SUSD3: variants seen among roughly 807,000 people sequenced by gnomAD.
SUSD3 encodes the protein sushi domain containing 3.
Under a neutral mutation model 20.6 loss-of-function variants are expected in SUSD3, and 18 were observed. That is an observed-to-expected ratio of 0.87 (90% CI 0.60 to 1.30). SUSD3 has a LOEUF of 1.30. Ranked by LOEUF, SUSD3 falls within the 50% of genes most tolerant of loss-of-function variation. The probability of loss-of-function intolerance (pLI) is 0.00; values close to 1 mark genes in which losing one functional copy is unlikely to be tolerated. For missense variants in SUSD3, 306 were observed against 346.9 expected (o/e 0.88, Z 0.94); for synonymous variants, 137 against 141.5 (o/e 0.97, Z 0.23).
intron 1 of SUSD3, among the ~76,000 whole-genome samples, chr9:93,065,408 G>A (rs972503836): frequency 9.2e-5 from 14 of 152,228 alleles, no homozygotes; most frequent in African/African-American, 3.1e-4. Flanking sequence ...AGGCGCTGTT[G>A]TGGGTGCTGG....
chr9:93,061,965 T>C (rs1825523335), intron 1 of SUSD3, among the ~76,000 whole-genome samples: 1 of 152,194 alleles, frequency 6.6e-6, no homozygotes, highest in African/African-American at 2.4e-5. Flanking sequence ...GGTCAGGTTA[T>C]AGGGGCTGTG....
intron 1 of SUSD3, among the ~76,000 whole-genome samples, chr9:93,059,190 C>A (rs1437997185): frequency 6.6e-6 from 1 of 152,074 alleles, no homozygotes; most frequent in Non-Finnish European, 1.5e-5. Context: ...ACCGGCCTCA[C>A]CTGGCGGGCG....
At chr9:93,062,152 G>A (rs1825532209) in intron 1 of SUSD3, among the ~76,000 whole-genome samples, 2 of 152,232 alleles carry the variant, frequency 1.3e-5, no homozygotes, top group South Asian at 2.1e-4. Flanking sequence ...GGGAGGAAGC[G>A]CAGCTGCAGC....
At position 93,079,584 on chromosome 9, in the gene SUSD3, A is replaced by G; in HGVS notation, c.539A>G (p.Asp180Gly). Residue 180 changes from aspartate (D) to glycine (G), a missense_variant, in exon 4 of 5, where the codon GAC becomes GGC. Physicochemically the swap from Asp to Gly is moderately conservative, Grantham distance 94. Transcript: ENST00000375472. ...KPVSGPSQAHDNHSFTTDHGE... is the reference protein window; with the variant it reads ...KPVSGPSQAHGNHSFTTDHGE... ...GTGAGCGGGCCCAGCCAGGCGCACG[A>G]CAACCACAGCTTCACCACGTGAGCC... The G allele has an allele frequency of 6.2e-7, 1 of 1,613,824 alleles. No individual in the cohort carries two copies. The highest frequency in any genetic ancestry group is 2.2e-5 in the East Asian group (1 of 44,880).
chr9:93,065,511 T>G (rs1022055362), intron 1 of SUSD3, among the ~76,000 whole-genome samples: 1 of 152,152 alleles, frequency 6.6e-6, no homozygotes, highest in Non-Finnish European at 1.5e-5. Flanking sequence ...AGGGCCGCAG[T>G]GGGCTGGGAA....
intron 1 of SUSD3, among the ~76,000 whole-genome samples, chr9:93,074,438 A>T (rs1826042466): frequency 7.7e-6 from 1 of 129,386 alleles, no homozygotes; most frequent in African/African-American, 2.6e-5. Flanking sequence ...ACTCAAAAAA[A>T]AAAAAAAAAA....
chr9:93,076,103 A>G, intron 2 of SUSD3, 131 bp downstream of exon 2: 2 of 743,258 alleles, frequency 2.7e-6, no homozygotes. Flanking sequence ...GTAGGGTCCC[A>G]TTCCCAACAC....
chr9:93,084,838 T>G lies in SUSD3; in HGVS notation c.*91T>G, dbSNP rs943515470. On this transcript the variant is annotated 3_prime_UTR_variant, in exon 5 of 5. Coordinates refer to ENST00000375472, the MANE Select transcript of SUSD3 (RefSeq NM_145006.4). ...GCTACAACTCCACATCAACTCCACATGCGCCCAGCTCGAGACTGATGAGTG... is the reference window on the plus strand; with the variant it reads ...GCTACAACTCCACATCAACTCCACAGGCGCCCAGCTCGAGACTGATGAGTG... 5.7e-5 allele frequency: 67 copies of G among 1,179,752 alleles called. No homozygotes were observed. The African/African-American group carries it at 9.3e-4, about 16-fold the overall frequency. 73.1% of individuals were successfully genotyped at this position (1,179,752 alleles called of 1,614,324 possible). A position where few individuals can be genotyped will look rare whatever the true frequency, so the allele number is the denominator to read the frequency against.
chr9:93,084,764 G>T lies in SUSD3; in HGVS notation c.*17G>T, dbSNP rs372486103. 85 of 1,467,982 alleles carry T rather than the reference G, an allele frequency of 5.8e-5. No individual in the cohort carries two copies. The highest frequency in any genetic ancestry group is 7.2e-5 in the Non-Finnish European group (80 of 1,110,010). The allele number at this position is 1,467,982 out of a possible 1,614,324, so 90.9% of individuals were successfully genotyped here. On this transcript the variant is annotated 3_prime_UTR_variant, in exon 5 of 5. Transcript: ENST00000375472. ...CTAGGGTGACCACGCAGTGAGGCTG[G>T]TGCCCATGCTCCACACTGGGAGGCC...
chr9:93,062,265 C>T (rs1825538040), intron 1 of SUSD3, among the ~76,000 whole-genome samples: 1 of 152,240 alleles, frequency 6.6e-6, no homozygotes, highest in Non-Finnish European at 1.5e-5. Context: ...CCACCTGCCC[C>T]TGAGCCGTGG....
chr9:93,058,742 G>A lies in SUSD3; in HGVS notation c.-1G>A. 8.1e-7 allele frequency: 1 copy of A among 1,234,410 alleles called. No individual in the cohort carries two copies. The highest frequency in any genetic ancestry group is 1.0e-6 in the Non-Finnish European group (1 of 988,694). The allele number at this position is 1,234,410 out of a possible 1,614,324, so 76.5% of individuals were successfully genotyped here. Reference sequence around the variant, plus strand: ...CCGCCAAGCGCCTCGGAGCGCGCAGGATGCGCTGGGCGGCCGCCACCCTCC... The same window carrying A: ...CCGCCAAGCGCCTCGGAGCGCGCAGAATGCGCTGGGCGGCCGCCACCCTCC... On this transcript the variant is annotated 5_prime_UTR_variant, in exon 1 of 5. Coordinates refer to ENST00000375472, the MANE Select transcript of SUSD3 (RefSeq NM_145006.4).
Position 93,084,573 on chromosome 9 carries a change from G to A in SUSD3, c.594G>A (p.Val198=). ...AGAGCACCAGCAAGCTGGCCAGTGT[G>A]ACCCGCAGCGTGGACAAGGACCCTG... is the stretch of plus-strand genomic sequence containing the variant. ...HGESTSKLAS[V]TRSVDKDPGI... The change falls in exon 5 of 5, where the codon GTG becomes GTA. Residue 198 remains valine (V), a synonymous_variant. Coordinates refer to ENST00000375472, the MANE Select transcript of SUSD3 (RefSeq NM_145006.4). 1.2e-6 allele frequency: 2 copies of A among 1,602,258 alleles called. No individual in the cohort carries two copies. The highest frequency in any genetic ancestry group is 1.7e-5 in the Admixed American group (1 of 58,104).
chr9:93,073,146 A>G lies in SUSD3; in HGVS notation c.89-2638A>G, dbSNP rs114810646. 7.7e-3 allele frequency among the ~76,000 whole-genome samples: 1,169 copies of G among 152,068 alleles called. 19 individuals carry two copies. Among genetic ancestry groups the G allele is most frequent in the African/African-American group, 0.027 (1,099 of 41,454 alleles). ...AGTCCCTGCCTGTGCCGAGGGAGAC[A>G]GGCACAGAGATGCTCAGGTGGCCCT... On this transcript the variant is annotated intron_variant, in intron 1 of 4. Coordinates refer to ENST00000375472, the MANE Select transcript of SUSD3 (RefSeq NM_145006.4).
intron 4 of SUSD3, among the ~76,000 whole-genome samples, chr9:93,079,867 C>T (rs902245844): frequency 6.6e-6 from 1 of 152,074 alleles, no homozygotes; most frequent in Non-Finnish European, 1.5e-5. Flanking sequence ...GAAGCTTCTA[C>T]ACACCTGTGT....
Position 93,079,454 on chromosome 9 carries a change from C to G in SUSD3, c.426-17C>G. On this transcript the variant is annotated splice_polypyrimidine_tract_variant and intron_variant, in intron 3 of 4. Transcript: ENST00000375472. ...CACCTGCATGCTCAGAGTCCTTCCTCCCAAACTCTCCTCCAGGTCAGCCCA... is the reference window on the plus strand; with the variant it reads ...CACCTGCATGCTCAGAGTCCTTCCTGCCAAACTCTCCTCCAGGTCAGCCCA... The G allele has an allele frequency of 6.2e-7, 1 of 1,613,278 alleles. No homozygotes were observed. The highest frequency in any genetic ancestry group is 1.1e-5 in the South Asian group (1 of 90,980).
chr9:93,076,387 A>G (rs544056782), intron 2 of SUSD3, among the ~76,000 whole-genome samples: 15 of 152,320 alleles, frequency 9.8e-5, no homozygotes, highest in African/African-American at 3.4e-4. Context: ...TTCACGTATC[A>G]GGAATCTTAA....
intron 1 of SUSD3, among the ~76,000 whole-genome samples, chr9:93,070,193 T>G (rs897718711): frequency 1.3e-5 from 2 of 152,244 alleles, no homozygotes; most frequent in African/African-American, 4.8e-5. Context: ...ATTACATATA[T>G]GTTACAAATA....
chr9:93,075,776 C>A lies in SUSD3; in HGVS notation c.89-8C>A. ...CCCGCCATGCCTCATACCTGCCTGT[C>A]TCCCCAGGCACGTGCGCTAAGCTGC... is the stretch of plus-strand genomic sequence containing the variant. On this transcript the variant is annotated splice_region_variant and splice_polypyrimidine_tract_variant and intron_variant, in intron 1 of 4. Coordinates refer to ENST00000375472, the MANE Select transcript of SUSD3 (RefSeq NM_145006.4). The A allele has an allele frequency of 7.6e-7, 1 of 1,318,676 alleles. No homozygotes were observed. The allele number at this position is 1,318,676 out of a possible 1,614,324, so 81.7% of individuals were successfully genotyped here.
intron 4 of SUSD3, among the ~76,000 whole-genome samples, chr9:93,081,313 T>C (rs1339738276): frequency 6.6e-6 from 1 of 152,174 alleles, no homozygotes; most frequent in Non-Finnish European, 1.5e-5. Flanking sequence ...GACGACATCA[T>C]TGAGCTTGTG....
Sources: allele counts gnomAD v4.1 joint callset (sites outside exome capture counted in the v4.1 genomes callset), GRCh38; gene constraint gnomAD v4.1.1; transcripts MANE v1.5; gene names NCBI Gene and HGNC (gene_info 2026-07-23, HGNC 2026-07-21).